The following PCNX2 variants were observed in gnomAD, a reference collection of about 807,000 sequenced individuals.
PCNX2 encodes pecanex 2.
A neutral mutation model predicts 223.8 loss-of-function variants in PCNX2; 168 were observed. The ratio of observed to expected loss-of-function variants is 0.75; its 90% CI spans 0.66 to 0.85. The LOEUF (loss-of-function observed/expected upper bound fraction) is 0.85, where lower values mean the gene tolerates loss of function less well. Ranked by LOEUF, PCNX2 falls within the 40% of genes least tolerant of loss-of-function variation. PCNX2 has a pLI of 0.00. For synonymous variants in PCNX2, 1,006 were observed against 1,052.6 expected (o/e 0.96, Z 0.86); for missense variants, 2,507 against 2,675.5 (o/e 0.94, Z 1.39).
intron 19 of PCNX2, among the ~76,000 whole-genome samples, chr1:233,159,702 A>G (rs568674249): frequency 6.6e-6 from 1 of 152,326 alleles, no homozygotes; most frequent in South Asian, 2.1e-4. Flanking sequence ...TTTCTTCTCT[A>G]AGGCTGTGAA....
At chr1:233,187,502 T>C (rs1680174394) in intron 15 of PCNX2, among the ~76,000 whole-genome samples, 1 of 151,982 alleles carries the variant, frequency 6.6e-6, no homozygotes, top group Non-Finnish European at 1.5e-5. Context: ...GTCACTACAT[T>C]TCTGGATTTG....
chr1:233,070,667 C>A (rs1199899802), intron 23 of PCNX2, among the ~76,000 whole-genome samples: 3 of 148,542 alleles, frequency 2.0e-5, no homozygotes, highest in African/African-American at 7.5e-5. Flanking sequence ...CAATACTATT[C>A]ATGATTTAAA....
At chr1:233,176,378 C>T (rs1319604044) in intron 17 of PCNX2, among the ~76,000 whole-genome samples, 1 of 152,180 alleles carries the variant, frequency 6.6e-6, no homozygotes, top group Non-Finnish European at 1.5e-5. Flanking sequence ...CTCCCGTGCT[C>T]CACCCAGTGT....
chr1:233,225,861 C>T (rs934303778), intron 10 of PCNX2, among the ~76,000 whole-genome samples: 7 of 152,192 alleles, frequency 4.6e-5, no homozygotes, highest in African/African-American at 9.7e-5. Flanking sequence ...AATGTTCCTT[C>T]TAAGTGTGTG....
intron 19 of PCNX2, among the ~76,000 whole-genome samples, chr1:233,142,535 T>C (rs1338981937): frequency 6.6e-6 from 1 of 152,186 alleles, no homozygotes; most frequent in Non-Finnish European, 1.5e-5. Context: ...CCCAGTCTTC[T>C]CTGTGTGGAA....
At chr1:233,060,241 G>A (rs1486875266) in intron 23 of PCNX2, among the ~76,000 whole-genome samples, 1 of 152,166 alleles carries the variant, frequency 6.6e-6, no homozygotes, top group African/African-American at 2.4e-5. Context: ...GAAGGCTGAA[G>A]TCCCACGTCT....
In PCNX2 at chr1:232,990,983, GTCTTCACATGTGC is replaced by G. The variant is rs1462823704; in HGVS notation, c.5792-4456_5792-4444del. ...GGAGAGTGGGGAAGAGGGTGGTGTGGTCTTCACATGTGCTCCTGTCACAGGCTCTGCAGAAGTT... is the reference window on the plus strand; with the variant it reads ...GGAGAGTGGGGAAGAGGGTGGTGTGGTCCTGTCACAGGCTCTGCAGAAGTT... On this transcript the variant is annotated intron_variant, in intron 32 of 33. Coordinates refer to ENST00000258229, the MANE Select transcript of PCNX2 (RefSeq NM_014801.4). This position sits in a 1 kb window ranked among gnomAD's most constrained non-coding sequence, Gnocchi z 4.3. Among the ~76,000 whole-genome samples, 1 of 152,226 alleles carries G rather than the reference GTCTTCACATGTGC, an allele frequency of 6.6e-6. No individual in the cohort carries two copies. Among genetic ancestry groups the G allele is most frequent in the Non-Finnish European group, 1.5e-5 (1 of 68,044 alleles).
intron 21 of PCNX2, among the ~76,000 whole-genome samples, chr1:233,106,162 A>G (rs1674760547): frequency 6.6e-6 from 1 of 152,110 alleles, no homozygotes; most frequent in Admixed American, 6.5e-5. Context: ...GAAACAACAC[A>G]GTTTATGCAC....
chr1:233,140,443 G>C (rs75574721), intron 19 of PCNX2, among the ~76,000 whole-genome samples: 2,686 of 152,334 alleles, frequency 0.018, 67 homozygotes, highest in African/African-American at 0.06. Flanking sequence ...TAAGGGCTAA[G>C]GTTTTAAGTT....
intron 1 of PCNX2, among the ~76,000 whole-genome samples, chr1:233,278,422 G>C (rs1337765578): frequency 6.6e-6 from 1 of 152,188 alleles, no homozygotes; most frequent in Non-Finnish European, 1.5e-5. Context: ...CTGGAGGAGA[G>C]AGAGGATCCT....
rs912989643 is a variant in PCNX2 at position 233,284,883 on chromosome 1, C to A, written c.153+10443G>T. 4.5e-6 allele frequency: 4 copies of A among 884,728 alleles called. No individual in the cohort carries two copies. The African/African-American group carries it at 7.3e-5, about 16-fold the overall frequency. 54.8% of individuals were successfully genotyped at this position (884,728 alleles called of 1,614,324 possible). ...ATGACACCCACTCAGTGTCCCTCAA[C>A]CATAGTGACTGGTATGATCATCCAG... On this transcript the variant is annotated intron_variant, in intron 1 of 33. Transcript: ENST00000258229.
At chr1:233,080,686 A>C (rs1673318715) in intron 23 of PCNX2, among the ~76,000 whole-genome samples, 1 of 152,100 alleles carries the variant, frequency 6.6e-6, no homozygotes, top group South Asian at 2.1e-4. Context: ...AATTCCATGC[A>C]TAAGAGCTTC....
chr1:233,290,934 T>C (rs1661725734), intron 1 of PCNX2: 1 of 985,396 alleles, frequency 1.0e-6, no homozygotes, highest in Non-Finnish European at 1.2e-6. Flanking sequence ...TTGCCCGGCA[T>C]GGGGTCTTGA....
intron 30 of PCNX2, among the ~76,000 whole-genome samples, chr1:232,999,816 C>T (rs1670016892): frequency 6.6e-6 from 1 of 152,130 alleles, no homozygotes; most frequent in South Asian, 2.1e-4. Context: ...CCAGAAGAGC[C>T]ATCCTGCAAG....
intron 8 of PCNX2, among the ~76,000 whole-genome samples, chr1:233,240,078 C>T (rs1658663333): frequency 6.6e-6 from 1 of 152,148 alleles, no homozygotes. Flanking sequence ...TATGGGCTCT[C>T]CATTTGGCCA....
At chr1:233,174,091 T>C (rs1040038688) in intron 17 of PCNX2, among the ~76,000 whole-genome samples, 2 of 143,332 alleles carry the variant, frequency 1.4e-5, no homozygotes, top group Non-Finnish European at 3.1e-5. Flanking sequence ...AAATTATATA[T>C]AAATATATTT....
intron 13 of PCNX2, 31 bp from the exon 14 acceptor site, chr1:233,200,295 G>C: frequency 6.8e-7 from 1 of 1,479,568 alleles, no homozygotes; most frequent in Non-Finnish European, 9.2e-7. Context: ...TTGACGATAA[G>C]CATGGGGAAC....
intron 26 of PCNX2, among the ~76,000 whole-genome samples, chr1:233,020,161 C>T (rs975643459): frequency 6.6e-6 from 1 of 152,264 alleles, no homozygotes; most frequent in Non-Finnish European, 1.5e-5. Flanking sequence ...GAGGTTAACA[C>T]TTCCTCCTCT....
intron 12 of PCNX2, among the ~76,000 whole-genome samples, chr1:233,213,510 A>G (rs1349990274): frequency 6.6e-6 from 1 of 152,104 alleles, no homozygotes; most frequent in Non-Finnish European, 1.5e-5. Context: ...GTATACAGAC[A>G]CTCTTAGTAC....
Sources: allele counts gnomAD v4.1 joint callset (sites outside exome capture counted in the v4.1 genomes callset), GRCh38; gene constraint gnomAD v4.1.1; non-coding constraint Gnocchi (gnomAD v3.1); transcripts MANE v1.5; gene names NCBI Gene and HGNC (gene_info 2026-07-23, HGNC 2026-07-21).